Variants in AKAP19 observed in about 807,000 individuals in gnomAD.
The protein encoded by AKAP19 is small A-kinase anchoring protein.
At chr2:189,933,803 T>C in the AKAP19 span, among the ~76,000 whole-genome samples, 2 of 152,148 alleles carry the variant, frequency 1.3e-5, no homozygotes, top group East Asian at 3.8e-4. Context: ...TTTAGGCTTA[T>C]TTCTTTGTTA....
chr2:190,136,029 C>T, the AKAP19 span, among the ~76,000 whole-genome samples: 1 of 152,142 alleles, frequency 6.6e-6, no homozygotes, highest in East Asian at 1.9e-4. Context: ...AACAAAAATT[C>T]CTGGCATGTA....
chr2:190,057,080 T>C, the AKAP19 span: 1 of 634,248 alleles, frequency 1.6e-6, no homozygotes, highest in South Asian at 2.2e-5. Context: ...TTTGTTTGGA[T>C]GGTTAAATGC....
chr2:189,898,587 T>C, the AKAP19 span, among the ~76,000 whole-genome samples: 6 of 152,198 alleles, frequency 3.9e-5, no homozygotes, highest in Admixed American at 3.9e-4. Flanking sequence ...CATGCACTTA[T>C]ATACACATAA....
At chr2:190,078,882 C>A in the AKAP19 span, among the ~76,000 whole-genome samples, 1 of 151,834 alleles carries the variant, frequency 6.6e-6, no homozygotes, top group African/African-American at 2.4e-5. Flanking sequence ...ATATGTACAA[C>A]TATTAGAAAT....
At chr2:190,154,111 G>T in the AKAP19 span, among the ~76,000 whole-genome samples, 1 of 152,096 alleles carries the variant, frequency 6.6e-6, no homozygotes, top group African/African-American at 2.4e-5. Context: ...ATTTAACCTT[G>T]ATATTTTTAA....
the AKAP19 span, among the ~76,000 whole-genome samples, chr2:190,069,649 T>C: frequency 2.6e-5 from 4 of 152,190 alleles, no homozygotes; most frequent in Admixed American, 2.0e-4. Flanking sequence ...TCACAGAGGA[T>C]TGGCTTTCAG....
the AKAP19 span, among the ~76,000 whole-genome samples, chr2:190,170,779 A>G: frequency 0.011 from 1,689 of 152,088 alleles, 25 homozygotes; most frequent in African/African-American, 0.038. Context: ...TAGATTCACT[A>G]TTTTCTTATC....
At chr2:189,913,108 T>C in the AKAP19 span, among the ~76,000 whole-genome samples, 1 of 152,150 alleles carries the variant, frequency 6.6e-6, no homozygotes, top group African/African-American at 2.4e-5. Context: ...TATTAAAATA[T>C]AGATATAGTC....
chr2:190,051,237 C>T, the AKAP19 span, among the ~76,000 whole-genome samples: 1 of 152,286 alleles, frequency 6.6e-6, no homozygotes, highest in African/African-American at 2.4e-5. Context: ...TGATTTTCTT[C>T]TGTAAGTCAT....
At chr2:190,048,400 A>G in the AKAP19 span, among the ~76,000 whole-genome samples, 1 of 152,280 alleles carries the variant, frequency 6.6e-6, no homozygotes, top group Non-Finnish European at 1.5e-5. Context: ...TGTGCTAGAC[A>G]CCATAACTCA....
the AKAP19 span, among the ~76,000 whole-genome samples, chr2:189,957,353 C>T: frequency 6.6e-6 from 1 of 152,148 alleles, no homozygotes; most frequent in African/African-American, 2.4e-5. Context: ...GACATCCGCT[C>T]CATTATTAAC....
the AKAP19 span, among the ~76,000 whole-genome samples, chr2:190,194,919 C>A: frequency 6.6e-6 from 1 of 152,140 alleles, no homozygotes; most frequent in African/African-American, 2.4e-5. Flanking sequence ...GTGGTGCAAT[C>A]AATCTTAACT....
chr2:189,965,193 G>A, the AKAP19 span, among the ~76,000 whole-genome samples: 1 of 152,068 alleles, frequency 6.6e-6, no homozygotes, highest in Non-Finnish European at 1.5e-5. Context: ...CCAGTTGGTG[G>A]AACAGTCAGA....
At chr2:190,113,864 A>C in the AKAP19 span, among the ~76,000 whole-genome samples, 1 of 152,096 alleles carries the variant, frequency 6.6e-6, no homozygotes, top group Non-Finnish European at 1.5e-5. Context: ...TACTTTTACA[A>C]AGTAATCTGC....
At chr2:190,097,610 C>G in the AKAP19 span, among the ~76,000 whole-genome samples, 1 of 152,116 alleles carries the variant, frequency 6.6e-6, no homozygotes, top group Non-Finnish European at 1.5e-5. Context: ...TCTGCTGCAA[C>G]TTTGTCAATT....
the AKAP19 span, among the ~76,000 whole-genome samples, chr2:190,003,993 A>G: frequency 6.6e-6 from 1 of 152,194 alleles, no homozygotes; most frequent in African/African-American, 2.4e-5. Flanking sequence ...TAATGTTTCC[A>G]GAATCCAATC....
the AKAP19 span, among the ~76,000 whole-genome samples, chr2:190,038,910 C>CTTCTTT: frequency 2.9e-5 from 3 of 105,200 alleles, no homozygotes; most frequent in Non-Finnish European, 3.6e-5. Flanking sequence ...CTTTCTTCTT[C>CTTCTTT]TTCTTCTTCT....
the AKAP19 span, among the ~76,000 whole-genome samples, chr2:190,057,834 A>C: frequency 6.6e-6 from 1 of 152,104 alleles, no homozygotes; most frequent in Admixed American, 6.6e-5. Context: ...AGAATTTAAC[A>C]GCAATACAAA....
chr2:189,924,888 AAAT>A, the AKAP19 span, among the ~76,000 whole-genome samples: 1 of 151,104 alleles, frequency 6.6e-6, no homozygotes, highest in Non-Finnish European at 1.5e-5. Flanking sequence ...GGGAAAAAAT[AAAT>A]AAATAAATAA....
Sources: allele counts gnomAD v4.1 joint callset (sites outside exome capture counted in the v4.1 genomes callset), GRCh38; gene constraint gnomAD v4.1.1; transcripts MANE v1.5; gene names NCBI Gene and HGNC (gene_info 2026-07-23, HGNC 2026-07-21).